EIF3CL: variants seen among roughly 807,000 people sequenced by gnomAD.
The protein encoded by EIF3CL is eukaryotic translation initiation factor 3 subunit C-like protein.
For synonymous variants in EIF3CL, 2 were observed against 19.6 expected, an observed-to-expected ratio of 0.10 and a Z score of 2.37; for missense variants, 5 against 56.1, an observed-to-expected ratio of 0.09 and a Z score of 2.91.
upstream of EIF3CL, among the ~76,000 whole-genome samples, chr16:28,405,890 CACACACACACAT>C (rs143220876): frequency 0.31 from 43,282 of 137,612 alleles, 5,056 homozygotes; most frequent in Non-Finnish European, 0.38. Flanking sequence ...TATACACACA[CACACACACACAT>C]ACACACACAC....
chr16:28,418,828 C>T, the EIF3CL span, among the ~76,000 whole-genome samples: 1 of 142,186 alleles, frequency 7.0e-6, no homozygotes, highest in Non-Finnish European at 1.6e-5. Context: ...TAGGGTTTCA[C>T]CATGTTGCCC....
At chr16:28,421,834 T>C in the EIF3CL span, among the ~76,000 whole-genome samples, 3 of 141,060 alleles carry the variant, frequency 2.1e-5, no homozygotes, top group African/African-American at 7.7e-5. Flanking sequence ...AAAAAATCTA[T>C]TTGGATTGGA....
the EIF3CL span, among the ~76,000 whole-genome samples, chr16:28,417,343 A>G: frequency 6.9e-6 from 1 of 144,214 alleles, no homozygotes; most frequent in East Asian, 2.1e-4. Context: ...AGAACGGGCC[A>G]GGATGACAAT....
the EIF3CL span, among the ~76,000 whole-genome samples, chr16:28,416,708 A>G: frequency 9.9e-5 from 11 of 110,842 alleles, no homozygotes; most frequent in Admixed American, 1.9e-4. Flanking sequence ...CCATCTGGGA[A>G]GTGAGGAGCG....
At chr16:28,418,004 T>C in the EIF3CL span, among the ~76,000 whole-genome samples, 1 of 144,664 alleles carries the variant, frequency 6.9e-6, no homozygotes, top group Non-Finnish European at 1.5e-5. Flanking sequence ...GATCACCCCA[T>C]TGCGCTCTAG....
chr16:28,386,263 G>A (rs1203173973), intron 15 of EIF3CL, among the ~76,000 whole-genome samples: 4 of 60,210 alleles, frequency 6.6e-5, no homozygotes, highest in Admixed American at 2.0e-4. Context: ...ATCCAGGATA[G>A]ATAAGGCACT....
chr16:28,416,795 G>A, the EIF3CL span, among the ~76,000 whole-genome samples: 25 of 94,766 alleles, frequency 2.6e-4, no homozygotes, highest in Non-Finnish European at 4.7e-4. Context: ...CGCCCCGTCC[G>A]GGAGGTGAGG....
chr16:28,415,791 G>GCCCTCT, the EIF3CL span, among the ~76,000 whole-genome samples: 1 of 122,706 alleles, frequency 8.1e-6, no homozygotes, highest in African/African-American at 3.1e-5. Context: ...CTATTTTCAT[G>GCCCTCT]CCCTCTCCCT....
chr16:28,403,251 C>T (rs371251799), intron 2 of EIF3CL, among the ~76,000 whole-genome samples: 75 of 68,792 alleles, frequency 1.1e-3, no homozygotes, highest in Non-Finnish European at 2.0e-3. Flanking sequence ...AGGCTGTAGA[C>T]TTAAGGCCAG....
At chr16:28,417,231 G>A in the EIF3CL span, among the ~76,000 whole-genome samples, 4 of 149,378 alleles carry the variant, frequency 2.7e-5, no homozygotes, top group Non-Finnish European at 4.4e-5. Flanking sequence ...CGCCCCATCC[G>A]GGAAGTGAGG....
the EIF3CL span, among the ~76,000 whole-genome samples, chr16:28,416,781 C>G: frequency 9.3e-6 from 1 of 107,008 alleles, no homozygotes; most frequent in African/African-American, 3.3e-5. Context: ...CCCACCCGGC[C>G]AGCCGCCCCG....
At chr16:28,418,788 C>G in the EIF3CL span, among the ~76,000 whole-genome samples, 1 of 148,258 alleles carries the variant, frequency 6.7e-6, no homozygotes, top group African/African-American at 2.4e-5. Context: ...TGCCACCACA[C>G]TCGGCTAATT....
the EIF3CL span, among the ~76,000 whole-genome samples, chr16:28,415,853 C>A: frequency 9.1e-6 from 1 of 110,178 alleles, no homozygotes; most frequent in South Asian, 2.6e-4. Flanking sequence ...TCTCCCTCTC[C>A]GTCTCCGTCT....
chr16:28,419,012 A>T, the EIF3CL span, among the ~76,000 whole-genome samples: 4 of 144,786 alleles, frequency 2.8e-5, no homozygotes, highest in Non-Finnish European at 6.2e-5. Flanking sequence ...TCTTTTTAAA[A>T]TTTTTTTTCT....
the EIF3CL span, among the ~76,000 whole-genome samples, chr16:28,424,042 C>T: frequency 6.8e-6 from 1 of 147,938 alleles, no homozygotes; most frequent in African/African-American, 2.5e-5. Context: ...GGCTGGAGTG[C>T]AGTGGTGTGA....
At chr16:28,386,860 G>T in intron 15 of EIF3CL, among the ~76,000 whole-genome samples, 1 of 28,406 alleles carries the variant, frequency 3.5e-5, no homozygotes. Context: ...CCCCCTAAAA[G>T]AGACACACAC....
At chr16:28,415,510 G>A in the EIF3CL span, among the ~76,000 whole-genome samples, 52 of 140,682 alleles carry the variant, frequency 3.7e-4, 4 homozygotes, top group Non-Finnish European at 6.4e-4. Context: ...AGCACGCTGG[G>A]AGGCTGAGGA....
At chr16:28,403,020 T>A (rs1341806504) in intron 2 of EIF3CL, among the ~76,000 whole-genome samples, 3 of 116,490 alleles carry the variant, frequency 2.6e-5, no homozygotes, top group Non-Finnish European at 3.7e-5. Flanking sequence ...TTCCAAAGGG[T>A]AAAAAAAAAA....
chr16:28,416,984 C>A, the EIF3CL span, among the ~76,000 whole-genome samples: 1 of 96,414 alleles, frequency 1.0e-5, no homozygotes, highest in Non-Finnish European at 2.3e-5. Context: ...CCGCTCTGCC[C>A]GGCCAGCCGC....
Sources: allele counts gnomAD v4.1 joint callset (sites outside exome capture counted in the v4.1 genomes callset), GRCh38; gene constraint gnomAD v4.1.1; transcripts MANE v1.5; gene names NCBI Gene and HGNC (gene_info 2026-07-23, HGNC 2026-07-21).